RANBP17: variants seen among roughly 807,000 people sequenced by gnomAD.
RANBP17 encodes ran-binding protein 17.
RANBP17 carries 158 observed loss-of-function variants against 141.2 expected under a neutral mutation model. The observed-to-expected ratio is 1.12, with a 90% confidence interval of 0.98 to 1.28. RANBP17 has a LOEUF of 1.28. RANBP17 is among the 50% of genes most tolerant of loss of function. RANBP17 has a pLI of 0.00. For missense variants in RANBP17, 1,438 were observed against 1,290.7 expected, an observed-to-expected ratio of 1.11 and a Z score of -1.75; for synonymous variants, 430 against 450.0, an observed-to-expected ratio of 0.96 and a Z score of 0.56.
intron 26 of RANBP17, 102 bp from the exon 27 acceptor site, chr5:171,295,785 A>T (rs1265523204): frequency 1.5e-6 from 2 of 1,291,688 alleles, no homozygotes; most frequent in African/African-American, 3.0e-5. Flanking sequence ...TCTGAGCATT[A>T]GTGAGCCCTG....
At chr5:170,878,491 C>G (rs1581034343) in intron 2 of RANBP17, among the ~76,000 whole-genome samples, 1 of 152,016 alleles carries the variant, frequency 6.6e-6, no homozygotes, top group Non-Finnish European at 1.5e-5. Context: ...TACTATTGGT[C>G]TCTTTTTATG....
intron 14 of RANBP17, among the ~76,000 whole-genome samples, chr5:171,159,917 C>CAAAAAAAAAAAAAAA (rs1175963382): frequency 2.4e-5 from 1 of 41,512 alleles, no homozygotes; most frequent in Admixed American, 2.6e-4. Flanking sequence ...GACTCCATCT[C>CAAAAAAAAAAAAAAA]AAAAAAAAAA....
chr5:170,950,527 G>A (rs542520016), intron 12 of RANBP17, among the ~76,000 whole-genome samples: 7 of 151,906 alleles, frequency 4.6e-5, no homozygotes, highest in South Asian at 2.1e-4. Flanking sequence ...AATCAAAACC[G>A]CAGTGAGATG....
chr5:171,221,898 GA>G (rs1259737854), intron 22 of RANBP17, 58 bp downstream of exon 22: 3 of 1,018,392 alleles, frequency 2.9e-6, no homozygotes, highest in Non-Finnish European at 4.5e-6. Flanking sequence ...TTAGAGGAAA[GA>G]AAGATGTTAG....
intron 18 of RANBP17, among the ~76,000 whole-genome samples, chr5:171,191,930 A>G (rs531544210): frequency 6.6e-6 from 1 of 152,328 alleles, no homozygotes; most frequent in South Asian, 2.1e-4. Flanking sequence ...AGAAATGATT[A>G]CTTTCTAAGC....
At chr5:171,019,448 T>C (rs1381351414) in intron 14 of RANBP17, among the ~76,000 whole-genome samples, 2 of 152,156 alleles carry the variant, frequency 1.3e-5, no homozygotes, top group East Asian at 3.9e-4. Context: ...TTGTTATTGG[T>C]CTATTCAGGG....
intron 14 of RANBP17, among the ~76,000 whole-genome samples, chr5:171,131,336 T>C (rs571877271): frequency 6.6e-6 from 1 of 152,314 alleles, no homozygotes; most frequent in East Asian, 1.9e-4. Flanking sequence ...GATCCAGAAA[T>C]AGCTTGCAAA....
intron 18 of RANBP17, among the ~76,000 whole-genome samples, chr5:171,184,394 A>G (rs1252666674): frequency 6.6e-6 from 1 of 152,192 alleles, no homozygotes; most frequent in Non-Finnish European, 1.5e-5. Flanking sequence ...GAGGACAAAT[A>G]CTATATGATA....
rs532419246 is a variant in RANBP17 at position 171,074,972 on chromosome 5, C to T, written c.1711-95158C>T. On this transcript the variant is annotated intron_variant, in intron 14 of 27. Coordinates refer to ENST00000523189, the MANE Select transcript of RANBP17 (RefSeq NM_022897.5). ...CCATGTTAGGTATGTGATGTTTACC[C>T]ACTTTGCAGATAAGAAAACTGAAAC... 3.4e-3 allele frequency among the ~76,000 whole-genome samples: 523 copies of T among 152,274 alleles called. 4 individuals carry two copies. The highest frequency in any genetic ancestry group is 5.6e-3 in the Non-Finnish European group (379 of 68,020).
intron 4 of RANBP17, among the ~76,000 whole-genome samples, chr5:170,895,805 A>G (rs971097859): frequency 6.6e-6 from 1 of 152,202 alleles, no homozygotes; most frequent in African/African-American, 2.4e-5. Context: ...TGCATTTATA[A>G]GGGAGGAGCT....
At chr5:171,100,333 T>A (rs568354540) in intron 14 of RANBP17, among the ~76,000 whole-genome samples, 1 of 152,152 alleles carries the variant, frequency 6.6e-6, no homozygotes, top group East Asian at 1.9e-4. Context: ...TCTTGGGAAG[T>A]TGTATGTGTC....
In RANBP17 at chr5:171,050,670, C is replaced by T. The variant is rs374120203; in HGVS notation, c.1710+82293C>T. ...TGCCACTGCACTTCAGCCTGAGTGA[C>T]AGAGTGAGACCCTATCTTAAAAAAA... is the stretch of plus-strand genomic sequence containing the variant. On this transcript the variant is annotated intron_variant, in intron 14 of 27. Transcript: ENST00000523189. Among the ~76,000 whole-genome samples the T allele has an allele frequency of 4.1e-4, 62 of 152,098 alleles. 1 individual carries two copies. In the South Asian group the frequency reaches 0.012, roughly 31 times the overall value.
chr5:171,116,912 C>G (rs1046204613), intron 14 of RANBP17, among the ~76,000 whole-genome samples: 3 of 152,162 alleles, frequency 2.0e-5, no homozygotes, highest in African/African-American at 7.2e-5. Flanking sequence ...TGAGAACATG[C>G]AGTGTTTCAC....
chr5:171,155,155 G>A (rs1758811076), intron 14 of RANBP17, among the ~76,000 whole-genome samples: 1 of 134,210 alleles, frequency 7.5e-6, no homozygotes, highest in African/African-American at 2.8e-5. Flanking sequence ...ACACATATAT[G>A]TATATATATG....
At chr5:170,868,022 A>G (rs1303470717) in intron 1 of RANBP17, among the ~76,000 whole-genome samples, 3 of 152,182 alleles carry the variant, frequency 2.0e-5, no homozygotes, top group African/African-American at 2.4e-5. Flanking sequence ...AGTTGCATGC[A>G]TGACTATCAA....
chr5:171,128,996 A>G (rs1756703328), intron 14 of RANBP17, among the ~76,000 whole-genome samples: 1 of 152,190 alleles, frequency 6.6e-6, no homozygotes, highest in African/African-American at 2.4e-5. Flanking sequence ...TAATGAGCAT[A>G]TAATACAGTT....
chr5:171,277,639 A>ATGTATATG (rs1233327191), intron 25 of RANBP17, among the ~76,000 whole-genome samples: 28 of 14,662 alleles, frequency 1.9e-3, no homozygotes, highest in African/African-American at 3.1e-3. Context: ...ATATGTATGT[A>ATGTATATG]TATATATATA....
intron 12 of RANBP17, among the ~76,000 whole-genome samples, chr5:170,936,824 G>A (rs1773916351): frequency 6.6e-6 from 1 of 152,158 alleles, no homozygotes; most frequent in Non-Finnish European, 1.5e-5. Flanking sequence ...CTCCAGTTAT[G>A]ATTGTGGAAT....
chr5:170,969,452 A>C (rs11746981), intron 14 of RANBP17, among the ~76,000 whole-genome samples: 89,275 of 151,538 alleles, frequency 0.59, 27,949 homozygotes, highest in South Asian at 0.81. Flanking sequence ...TATATAACAG[A>C]GTGCCTTTTT....
Sources: allele counts gnomAD v4.1 joint callset (sites outside exome capture counted in the v4.1 genomes callset), GRCh38; gene constraint gnomAD v4.1.1; transcripts MANE v1.5; gene names NCBI Gene and HGNC (gene_info 2026-07-23, HGNC 2026-07-21).